The following SIRT2 variants were observed in gnomAD, a reference collection of about 807,000 sequenced individuals.
SIRT2 encodes sirtuin 2.
SIRT2 carries 40 observed loss-of-function variants against 57.4 expected under a neutral mutation model. The ratio of observed to expected loss-of-function variants is 0.70; its 90% CI spans 0.54 to 0.91. The LOEUF is 0.91. Among genes scored for constraint, SIRT2 ranks in the 40% least tolerant of loss-of-function variants. The pLI is 0.00. For missense variants in SIRT2, 439 were observed against 510.4 expected, an observed-to-expected ratio of 0.86 and a Z score of 1.35; for synonymous variants, 161 against 195.7, an observed-to-expected ratio of 0.82 and a Z score of 1.48.
intron 8 of SIRT2, among the ~76,000 whole-genome samples, chr19:38,886,627 T>G (rs1360185805): frequency 5.3e-5 from 8 of 150,788 alleles, no homozygotes; most frequent in South Asian, 2.1e-4. Context: ...CTAATTTTTT[T>G]TTTTTTTTTT....
chr19:38,892,327 T>C (rs909174501), intron 4 of SIRT2, among the ~76,000 whole-genome samples: 2 of 147,586 alleles, frequency 1.4e-5, no homozygotes, highest in Admixed American at 6.8e-5. Context: ...ACCCGGGAGG[T>C]GGAGGTTGCA....
intron 4 of SIRT2, chr19:38,892,008 G>T: frequency 2.3e-6 from 1 of 441,068 alleles, no homozygotes; most frequent in Non-Finnish European, 4.8e-6. Flanking sequence ...TCAACAAAAG[G>T]CTGCTCAGGA....
At position 38,899,032 on chromosome 19, in the gene SIRT2, G is replaced by C. The variant is rs1973833351; in HGVS notation, c.16+474C>G. ...TACAAGGCAGAGGGAAGTTTAGAAA[G>C]GAAAAGAGAAGGGAAGAGACGCTTT... On this transcript the variant is annotated intron_variant, in intron 1 of 15. Transcript: ENST00000249396. 7 of 202,604 alleles carry C rather than the reference G, an allele frequency of 3.5e-5. No individual in the cohort carries two copies. In the South Asian group the frequency reaches 5.7e-4, roughly 17 times the overall value. 12.6% of individuals were successfully genotyped at this position (202,604 alleles called of 1,614,324 possible).
intron 8 of SIRT2, among the ~76,000 whole-genome samples, chr19:38,885,017 C>G (rs112766655): frequency 1.3e-5 from 2 of 152,262 alleles, no homozygotes; most frequent in African/African-American, 4.8e-5. Flanking sequence ...GCTTTAATCA[C>G]TATCTTCCCC....
chr19:38,892,032 G>A (rs77270343), intron 4 of SIRT2: 101 of 408,028 alleles, frequency 2.5e-4, no homozygotes, highest in African/African-American at 1.3e-3. Flanking sequence ...ACAAAGGGTC[G>A]ATTGTTCTAG....
intron 8 of SIRT2, among the ~76,000 whole-genome samples, chr19:38,885,767 T>A (rs1444722859): frequency 6.6e-6 from 1 of 151,976 alleles, no homozygotes; most frequent in Middle Eastern, 3.2e-3. Context: ...ATTTTTGTAT[T>A]TTTAGTAGAG....
intron 9 of SIRT2, among the ~76,000 whole-genome samples, chr19:38,883,081 T>G (rs1274438858): frequency 7.4e-5 from 11 of 149,492 alleles, no homozygotes; most frequent in Admixed American, 7.3e-4. Flanking sequence ...TCTTGTTTTT[T>G]TTTTTTTTTT....
Position 38,896,077 on chromosome 19 carries a change from AAAGAG to A in SIRT2, c.64-2215_64-2211del, listed in dbSNP as rs200511523. The stretch of plus-strand genomic sequence containing the variant: ...CAGAGCGAGACTCCGTCTCAAAAAA[AAAGAG>A]AGAGAGAAAGAGAGAGTGAGAATGA... On this transcript the variant is annotated intron_variant, in intron 2 of 15. Transcript: ENST00000249396. Among the ~76,000 whole-genome samples the A allele has an allele frequency of 6.4e-3, 971 of 152,262 alleles. 10 individuals carry two copies. Among genetic ancestry groups the A allele is most frequent in the African/African-American group, 0.022 (928 of 41,544 alleles).
In SIRT2 at chr19:38,880,521, A is replaced by G; in HGVS notation, c.876+164T>C. The G allele has an allele frequency of 1.7e-6, 1 of 576,564 alleles. No homozygotes were observed. The highest frequency in any genetic ancestry group is 1.9e-5 in the African/African-American group (1 of 53,848). The allele number at this position is 576,564 out of a possible 1,614,324, so 35.7% of individuals were successfully genotyped here. On this transcript the variant is annotated intron_variant, in intron 13 of 15. Coordinates refer to ENST00000249396, the MANE Select transcript of SIRT2 (RefSeq NM_012237.4). This position sits in a 1 kb window ranked among gnomAD's most constrained non-coding sequence, Gnocchi z 4.1. The stretch of plus-strand genomic sequence containing the variant: ...TATCACTTGCTCAAAAGGGCAGTGA[A>G]TGTCCCAGAGGCCTGGAACCCGACC...
intron 1 of SIRT2, chr19:38,898,791 T>G (rs1003848598): frequency 2.9e-5 from 6 of 207,968 alleles, no homozygotes; most frequent in African/African-American, 4.6e-5. Flanking sequence ...GGCCCTGACT[T>G]ACTTTCTTTC....
chr19:38,899,584 G>T lies in SIRT2; in HGVS notation c.-63C>A. On this transcript the variant is annotated 5_prime_UTR_variant, in exon 1 of 16. Transcript: ENST00000249396. Reference sequence around the variant, plus strand: ...GCTCTGTCCCGTCACCAACCACTGTGTCCCGTCACCGACTGCTCTGTCCTG... The same window carrying T: ...GCTCTGTCCCGTCACCAACCACTGTTTCCCGTCACCGACTGCTCTGTCCTG... 6.2e-7 allele frequency: 1 copy of T among 1,609,012 alleles called. No individual in the cohort carries two copies. Among genetic ancestry groups the T allele is most frequent in the Non-Finnish European group, 8.5e-7 (1 of 1,175,728 alleles).
intron 8 of SIRT2, among the ~76,000 whole-genome samples, chr19:38,888,391 C>G (rs1978715): frequency 0.1 from 15,244 of 152,104 alleles, 912 homozygotes; most frequent in South Asian, 0.18. Flanking sequence ...CAGGCGGGTC[C>G]CAAACGCCTG....
At chr19:38,883,824 A>G in intron 8 of SIRT2, 68 bp from the exon 9 acceptor site, 1 of 1,554,144 alleles carries the variant, frequency 6.4e-7, no homozygotes, top group Non-Finnish European at 8.8e-7. Flanking sequence ...AAGGCACAGT[A>G]GGGAGTTGAG....
At chr19:38,893,081 GT>G (rs1406692297) in intron 4 of SIRT2, among the ~76,000 whole-genome samples, 2 of 152,004 alleles carry the variant, frequency 1.3e-5, no homozygotes, top group Non-Finnish European at 2.9e-5. Flanking sequence ...CTGCTGTTTG[GT>G]TTGAACTACT....
chr19:38,898,072 G>A lies in SIRT2; in HGVS notation c.63+307C>T, dbSNP rs140214237. On this transcript the variant is annotated intron_variant, in intron 2 of 15. Coordinates refer to ENST00000249396, the MANE Select transcript of SIRT2 (RefSeq NM_012237.4). ...CATCACTTGTCCACGAGATCTGTGC[G>A]TTCCAAGACCAAATGGGATACCTGT... Among the ~76,000 whole-genome samples, 61 of 152,348 alleles carry A rather than the reference G, an allele frequency of 4.0e-4. No individual in the cohort carries two copies. In the East Asian group the frequency reaches 9.8e-3, roughly 25 times the overall value.
In SIRT2 at chr19:38,879,354, A is replaced by G. The variant is rs202004407; in HGVS notation, c.1015-44T>C. The G allele has an allele frequency of 5.5e-5, 88 of 1,609,738 alleles. No individual in the cohort carries two copies. In the Middle Eastern group the frequency reaches 8.2e-4, roughly 15 times the overall value. On this transcript the variant is annotated intron_variant, in intron 15 of 15. Coordinates refer to ENST00000249396, the MANE Select transcript of SIRT2 (RefSeq NM_012237.4). ...CAGAAGTCAAAGGTCACTGTGCATC[A>G]TGGGGTCAGAGGACCCATGGGGTGG...
chr19:38,897,613 C>T (rs747616481), intron 2 of SIRT2, among the ~76,000 whole-genome samples: 1 of 152,064 alleles, frequency 6.6e-6, no homozygotes. Context: ...GCCTTAACCT[C>T]CTGGGCTTAA....
Position 38,883,736 on chromosome 19 carries a change from T to A in SIRT2, c.522A>T (p.Arg174=). 1.2e-6 allele frequency: 2 copies of A among 1,614,092 alleles called. No individual in the cohort carries two copies. The highest frequency in any genetic ancestry group is 1.7e-6 in the Non-Finnish European group (2 of 1,179,960). The change falls in exon 9 of 16, where the codon CGA becomes CGT. Residue 174 remains arginine (R), a synonymous_variant. Transcript: ENST00000249396. The stretch of plus-strand genomic sequence containing the variant: ...AGTCCTCCTGTTCCAGCCCGGCTAT[T>A]CGCTCCAGGGTATCTATGTTCTAGA... ...CYTQNIDTLE[R]IAGLEQEDLV...
In SIRT2 at chr19:38,883,529, CCA is replaced by C; in HGVS notation, c.631+96_631+97del. 2.0e-6 allele frequency: 3 copies of C among 1,464,534 alleles called. No individual in the cohort carries two copies. The Admixed American group carries it at 6.1e-5, about 30-fold the overall frequency. The allele number at this position is 1,464,534 out of a possible 1,614,324, so 90.7% of individuals were successfully genotyped here. ...AACAAACAAACAAAACAAAAAAACC[CCA>C]AAGAATTGAGCAGGACAGAATGGGT... On this transcript the variant is annotated intron_variant, in intron 9 of 15. Coordinates refer to ENST00000249396, the MANE Select transcript of SIRT2 (RefSeq NM_012237.4).
Sources: allele counts gnomAD v4.1 joint callset (sites outside exome capture counted in the v4.1 genomes callset), GRCh38; gene constraint gnomAD v4.1.1; non-coding constraint Gnocchi (gnomAD v3.1); transcripts MANE v1.5; gene names NCBI Gene and HGNC (gene_info 2026-07-23, HGNC 2026-07-21).